Variants in TULP4 observed in about 807,000 individuals in gnomAD.
TULP4 encodes the protein TUB like protein 4.
A neutral mutation model predicts 129.0 loss-of-function variants in TULP4; 16 were observed. The ratio of observed to expected loss-of-function variants is 0.12; its 90% confidence interval spans 0.08 to 0.19. TULP4 has a LOEUF of 0.19. TULP4 is among the 10% of genes least tolerant of loss of function. The pLI is 1.00. For missense variants in TULP4, 1,842 were observed against 2,059.1 expected, an observed-to-expected ratio of 0.89 and a Z score of 2.04; for synonymous variants, 998 against 854.0, an observed-to-expected ratio of 1.17 and a Z score of -2.94.
At chr6:158,374,801 C>T (rs1777149778) in intron 1 of TULP4, among the ~76,000 whole-genome samples, 1 of 152,166 alleles carries the variant, frequency 6.6e-6, no homozygotes, top group Non-Finnish European at 1.5e-5. Context: ...CCTCCTGGGA[C>T]TCATATTTTT....
At chr6:158,266,870 A>T (rs527323890) in intron 1 of TULP4, among the ~76,000 whole-genome samples, 116 of 152,298 alleles carry the variant, frequency 7.6e-4, no homozygotes, top group African/African-American at 2.6e-3. Context: ...GGCATTAAGT[A>T]CGTTCCTGTT....
chr6:158,347,198 T>A (rs981548759), intron 1 of TULP4, among the ~76,000 whole-genome samples: 2 of 152,224 alleles, frequency 1.3e-5, no homozygotes, highest in Non-Finnish European at 2.9e-5. Context: ...TTAAGCATAG[T>A]TTTTTAGTTC....
intron 1 of TULP4, among the ~76,000 whole-genome samples, chr6:158,363,900 AGTTTT>A (rs747038240): frequency 7.2e-5 from 11 of 152,180 alleles, no homozygotes; most frequent in Non-Finnish European, 1.3e-4. Flanking sequence ...AGAAAAATTT[AGTTTT>A]GTTTAGAGAT....
At chr6:158,402,404 T>G (rs1777873918) in intron 1 of TULP4, among the ~76,000 whole-genome samples, 1 of 152,214 alleles carries the variant, frequency 6.6e-6, no homozygotes, top group Non-Finnish European at 1.5e-5. Context: ...GAGTCACAGA[T>G]TGGTTTTTCT....
At chr6:158,308,325 C>T (rs962289164), upstream of TULP4, among the ~76,000 whole-genome samples, 1 of 151,852 alleles carries the variant, frequency 6.6e-6, no homozygotes, top group African/African-American at 2.4e-5. Flanking sequence ...GGGGTAAGGT[C>T]ACAGATCAAC....
At chr6:158,331,589 G>A (rs1779880290) in intron 1 of TULP4, among the ~76,000 whole-genome samples, 1 of 150,044 alleles carries the variant, frequency 6.7e-6, no homozygotes, top group South Asian at 2.1e-4. Context: ...TTTCTCTGAG[G>A]AATGCTGTTT....
At chr6:158,369,131 C>T (rs1777011747) in intron 1 of TULP4, among the ~76,000 whole-genome samples, 1 of 152,110 alleles carries the variant, frequency 6.6e-6, no homozygotes, top group South Asian at 2.1e-4. Flanking sequence ...TTATTTTATG[C>T]AGCTTTTATT....
intron 1 of TULP4, among the ~76,000 whole-genome samples, chr6:158,306,164 A>T (rs1779214052): frequency 6.6e-6 from 1 of 152,246 alleles, no homozygotes; most frequent in Non-Finnish European, 1.5e-5. Context: ...AGATATTTTT[A>T]AAGTTTGGTT....
At chr6:158,426,542 T>C (rs1366817041) in intron 2 of TULP4, among the ~76,000 whole-genome samples, 1 of 152,204 alleles carries the variant, frequency 6.6e-6, no homozygotes, top group Non-Finnish European at 1.5e-5. Flanking sequence ...ATATGCAGCC[T>C]TATTTCTGGG....
At chr6:158,438,699 C>G (rs1225594654) in intron 3 of TULP4, among the ~76,000 whole-genome samples, 1 of 152,018 alleles carries the variant, frequency 6.6e-6, no homozygotes, top group Non-Finnish European at 1.5e-5. Context: ...ATTCTCCTAC[C>G]TCAGCCTCCT....
At chr6:158,425,728 T>C (rs1424344007) in intron 2 of TULP4, among the ~76,000 whole-genome samples, 3 of 151,910 alleles carry the variant, frequency 2.0e-5, no homozygotes, top group Non-Finnish European at 4.4e-5. Context: ...TTTAGCCTTC[T>C]GAGTAGCTAG....
intron 1 of TULP4, among the ~76,000 whole-genome samples, chr6:158,275,307 A>C (rs1778625075): frequency 6.6e-6 from 1 of 152,164 alleles, no homozygotes; most frequent in Non-Finnish European, 1.5e-5. Context: ...GCTGCTGTCG[A>C]AACTGTGGTG....
At chr6:158,444,794 G>A (rs557232929) in intron 3 of TULP4, among the ~76,000 whole-genome samples, 83 of 152,192 alleles carry the variant, frequency 5.5e-4, no homozygotes, top group Non-Finnish European at 8.4e-4. Context: ...ATTATATGTG[G>A]ATATCATTAT....
At chr6:158,312,027 A>G, upstream of TULP4, 1 of 326,686 alleles carries the variant, frequency 3.1e-6, no homozygotes. Context: ...TTTAAATTTT[A>G]TATCTTTTTT....
intron 2 of TULP4, among the ~76,000 whole-genome samples, chr6:158,414,138 A>G (rs1008896616): frequency 6.6e-6 from 1 of 152,252 alleles, no homozygotes; most frequent in African/African-American, 2.4e-5. Flanking sequence ...TCTGTAAGAT[A>G]TCATCACAGA....
chr6:158,473,690 CT>C (rs1369980672), intron 6 of TULP4, among the ~76,000 whole-genome samples: 1 of 151,092 alleles, frequency 6.6e-6, no homozygotes, highest in Non-Finnish European at 1.5e-5. Context: ...GGCTAATTTT[CT>C]TGTATTTTTA....
In TULP4 at chr6:158,502,038, A is replaced by G. The variant is rs1443334925; in HGVS notation, c.2375A>G (p.Asp792Gly). ...PMQLSTVGHG[D>G]RDHEHLQKSA... ...CAGCTGTCCACGGTGGGCCATGGAGACCGAGACCACGAACACCTGCAGAAG... is the reference window on the plus strand; with the variant it reads ...CAGCTGTCCACGGTGGGCCATGGAGGCCGAGACCACGAACACCTGCAGAAG... Residue 792 changes from aspartate (D) to glycine (G), a missense_variant, in exon 13 of 14, where the codon GAC becomes GGC. Asp to Gly is a moderately conservative substitution (Grantham distance 94, BLOSUM62 -1). Around this residue, in one of 5 missense-constraint regions of TULP4, gnomAD observed 1,089 missense variants for 987.1 expected, o/e 1.10. Transcript: ENST00000367097. 1.9e-6 allele frequency: 3 copies of G among 1,612,764 alleles called. No individual in the cohort carries two copies. Among genetic ancestry groups the G allele is most frequent in the Non-Finnish European group, 2.5e-6 (3 of 1,179,726 alleles).
Position 158,503,849 on chromosome 6 carries a change from T to C in TULP4, c.4186T>C (p.Leu1396=), listed in dbSNP as rs1228979815. The part of the protein sequence containing the change: ...SQKDQLKSKK[L]NKTNEFQDSS... ...GAAAGACCAACTGAAGTCAAAGAAGTTGAATAAGACAAACGAGTTCCAGGA... is the reference window on the plus strand; with the variant it reads ...GAAAGACCAACTGAAGTCAAAGAAGCTGAATAAGACAAACGAGTTCCAGGA... Residue 1396 remains leucine (L), a synonymous_variant, in exon 13 of 14, where the codon TTG becomes CTG. Coordinates refer to ENST00000367097, the MANE Select transcript of TULP4 (RefSeq NM_020245.5). This position sits in a 1 kb window ranked among gnomAD's most constrained non-coding sequence, Gnocchi z 4.3. The C allele has an allele frequency of 6.2e-7, 1 of 1,613,946 alleles. No homozygotes were observed. Among genetic ancestry groups the C allele is most frequent in the Middle Eastern group, 1.6e-4 (1 of 6,062 alleles).
chr6:158,274,540 G>GC (rs1403036745), intron 1 of TULP4, among the ~76,000 whole-genome samples: 4 of 152,104 alleles, frequency 2.6e-5, no homozygotes, highest in Non-Finnish European at 5.9e-5. Flanking sequence ...ACTTTGGGAG[G>GC]CCAAGGCGGG....
Sources: gnomAD v4.1 joint callset for allele counts (sites outside exome capture counted in the v4.1 genomes callset) on GRCh38, gnomAD v4.1.1 for gene constraint, gnomAD v4.1.1 regional missense constraint, Gnocchi (gnomAD v3.1) non-coding constraint, MANE v1.5 for transcripts, NCBI Gene and HGNC (gene_info 2026-07-23, HGNC 2026-07-21) for gene names.